The following SKAP1 variants were observed in gnomAD, a reference collection of about 807,000 sequenced individuals.
The protein encoded by SKAP1 is src kinase-associated phosphoprotein 1.
SKAP1 carries 44 observed loss-of-function variants against 58.5 expected under a neutral mutation model. That is an observed-to-expected ratio of 0.75 (90% CI 0.59 to 0.97). SKAP1 has a LOEUF of 0.97. SKAP1 is among the 50% of genes least tolerant of loss of function. SKAP1 has a pLI of 0.00. For synonymous variants in SKAP1, 127 were observed against 149.7 expected (o/e 0.85, Z 1.11); for missense variants, 390 against 435.2 (o/e 0.90, Z 0.92).
At chr17:48,141,718 C>A (rs1264282986) in intron 11 of SKAP1, among the ~76,000 whole-genome samples, 4 of 152,124 alleles carry the variant, frequency 2.6e-5, no homozygotes, top group Non-Finnish European at 1.5e-5. Flanking sequence ...CCCTGCATGA[C>A]CCAGTCCCAC....
At chr17:48,304,117 T>C (rs972673918) in intron 4 of SKAP1, among the ~76,000 whole-genome samples, 2 of 152,210 alleles carry the variant, frequency 1.3e-5, no homozygotes. Context: ...CTACATCTAA[T>C]GTAATACCAA....
intron 2 of SKAP1, among the ~76,000 whole-genome samples, chr17:48,364,910 G>A (rs1248731934): frequency 1.3e-5 from 2 of 151,354 alleles, no homozygotes; most frequent in East Asian, 3.9e-4. Flanking sequence ...CTGAGACTAG[G>A]CCTTGCTCTA....
chr17:48,325,280 A>C (rs1283571219), intron 4 of SKAP1, among the ~76,000 whole-genome samples: 1 of 148,482 alleles, frequency 6.7e-6, no homozygotes. Context: ...AAAAAAAGAC[A>C]TAATTAAATA....
rs1426932373 is a variant in SKAP1, at chr17:48,361,524, A to T, written c.178+2265T>A. Among the ~76,000 whole-genome samples the T allele has an allele frequency of 1.3e-5, 2 of 152,178 alleles. 1 individual carries two copies. Among genetic ancestry groups the T allele is most frequent in the Admixed American group, 1.3e-4 (2 of 15,276 alleles). On this transcript the variant is annotated intron_variant, in intron 3 of 12. Coordinates refer to ENST00000336915, the MANE Select transcript of SKAP1 (RefSeq NM_003726.4). The stretch of plus-strand genomic sequence containing the variant: ...GCACCCGGCCAAGGCTGCTATTTTT[A>T]AAATGTGTGCTACTAAAAGGATATA...
intron 4 of SKAP1, among the ~76,000 whole-genome samples, chr17:48,226,393 T>C (rs2065068735): frequency 2.6e-5 from 4 of 152,098 alleles, no homozygotes; most frequent in Admixed American, 2.6e-4. Flanking sequence ...TGACAGTATA[T>C]GTTGACATGC....
At chr17:48,367,878 G>A (rs1206073761) in intron 2 of SKAP1, among the ~76,000 whole-genome samples, 1 of 150,334 alleles carries the variant, frequency 6.7e-6, no homozygotes, top group Non-Finnish European at 1.5e-5. Flanking sequence ...TCACGCCACT[G>A]GACTCCAGCT....
At chr17:48,402,113 C>A (rs1417951598) in intron 1 of SKAP1, among the ~76,000 whole-genome samples, 1 of 152,094 alleles carries the variant, frequency 6.6e-6, no homozygotes, top group African/African-American at 2.4e-5. Flanking sequence ...GCGAAAAGAA[C>A]AACAATGAAT....
chr17:48,299,464 G>C (rs1321883609), intron 4 of SKAP1, among the ~76,000 whole-genome samples: 1 of 152,158 alleles, frequency 6.6e-6, no homozygotes, highest in African/African-American at 2.4e-5. Flanking sequence ...GGGGAAGAGG[G>C]GGAGGCTGTC....
chr17:48,227,019 G>A (rs938556286), intron 4 of SKAP1, among the ~76,000 whole-genome samples: 1 of 152,028 alleles, frequency 6.6e-6, no homozygotes, highest in South Asian at 2.1e-4. Context: ...CTTGACCTTA[G>A]CTTGGCTCTC....
upstream of SKAP1, among the ~76,000 whole-genome samples, chr17:48,432,439 AAG>A (rs2067925288): frequency 6.6e-6 from 1 of 150,714 alleles, no homozygotes; most frequent in Non-Finnish European, 1.5e-5. Flanking sequence ...AAAAAAAAGA[AAG>A]AAAGAAAGAA....
At chr17:48,140,487 C>T (rs1185877516) in intron 11 of SKAP1, among the ~76,000 whole-genome samples, 2 of 152,170 alleles carry the variant, frequency 1.3e-5, no homozygotes, top group African/African-American at 4.8e-5. Flanking sequence ...CCATATATCT[C>T]TGTAGAGTAT....
intron 11 of SKAP1, among the ~76,000 whole-genome samples, chr17:48,147,542 A>C (rs2063846341): frequency 6.6e-6 from 1 of 152,220 alleles, no homozygotes; most frequent in Non-Finnish European, 1.5e-5. Context: ...CAAGGCTGGG[A>C]ACAAGAATTG....
chr17:48,224,038 A>AGG (rs1372629777), intron 4 of SKAP1, among the ~76,000 whole-genome samples: 6 of 52,440 alleles, frequency 1.1e-4, no homozygotes, highest in Non-Finnish European at 1.8e-4. Context: ...GAGAGAGAAG[A>AGG]AGGAGGAGGA....
chr17:48,335,758 T>C (rs1242576730), intron 4 of SKAP1, among the ~76,000 whole-genome samples: 1 of 152,152 alleles, frequency 6.6e-6, no homozygotes, highest in Non-Finnish European at 1.5e-5. Context: ...ACACACTCCC[T>C]TTATTTATCT....
chr17:48,307,597 C>T (rs1352484781), intron 4 of SKAP1: 1 of 152,210 alleles, frequency 6.6e-6, no homozygotes, highest in African/African-American at 2.4e-5. Flanking sequence ...CTGATGTTGC[C>T]TGACACACAA....
Position 48,391,447 on chromosome 17 carries a change from G to T in SKAP1, c.152+5233C>A, listed in dbSNP as rs1262724345. ...AAGTAATATTCTATCTTTCTCACCT[G>T]TAGGGCATTCCAGATTAAAACAGCA... On this transcript the variant is annotated intron_variant, in intron 2 of 12. Transcript: ENST00000336915. Among the ~76,000 whole-genome samples the T allele has an allele frequency of 4.6e-5, 7 of 152,144 alleles. No individual in the cohort carries two copies. In the South Asian group the frequency reaches 1.2e-3, roughly 27 times the overall value.
chr17:48,431,123 G>C (rs2067912252), upstream of SKAP1, among the ~76,000 whole-genome samples: 1 of 152,148 alleles, frequency 6.6e-6, no homozygotes, highest in South Asian at 2.1e-4. Context: ...TGCTATGGTT[G>C]ATAAAAGAAG....
intron 4 of SKAP1, among the ~76,000 whole-genome samples, chr17:48,255,428 GTA>G (rs962827774): frequency 4.0e-5 from 6 of 148,186 alleles, no homozygotes; most frequent in African/African-American, 1.2e-4. Context: ...ATATATATAT[GTA>G]TATATATATA....
chr17:48,308,693 C>T (rs373152820), intron 4 of SKAP1: 29 of 152,280 alleles, frequency 1.9e-4, no homozygotes, highest in African/African-American at 7.0e-4. Flanking sequence ...CCTAATTTCT[C>T]ACAGTTTTTC....
Sources: gnomAD v4.1 joint callset for allele counts (sites outside exome capture counted in the v4.1 genomes callset) on GRCh38, gnomAD v4.1.1 for gene constraint, MANE v1.5 for transcripts, NCBI Gene and HGNC (gene_info 2026-07-23, HGNC 2026-07-21) for gene names.